Variants in IRGM observed in about 807,000 individuals in gnomAD.
IRGM encodes the protein immunity related GTPase M.
For missense variants in IRGM, 288 were observed against 219.9 expected, an observed-to-expected ratio of 1.31 and a Z score of -1.96; for synonymous variants, 98 against 80.6, an observed-to-expected ratio of 1.22 and a Z score of -1.16.
chr5:150,896,504 C>CTGAT lies in IRGM; in HGVS notation c.*141-4083_*141-4080dup, dbSNP rs766152563. On this transcript the variant is annotated intron_variant and NMD_transcript_variant, in intron 3 of 3. Coordinates refer to the IRGM transcript ENST00000520549. ...GTGTATTTCTAAAAACGTTTCCACA[C>CTGAT]TGATTATCATCAAAAGGTATTACTC... 8.7e-6 allele frequency: 14 copies of CTGAT among 1,613,528 alleles called. No homozygotes were observed. The East Asian group carries it at 2.9e-4, about 33-fold the overall frequency.
intron 1 of IRGM, among the ~76,000 whole-genome samples, chr5:150,858,474 T>G (rs1754089589): frequency 1.3e-5 from 2 of 152,228 alleles, no homozygotes; most frequent in Non-Finnish European, 2.9e-5. Flanking sequence ...AAGTCATTGG[T>G]AGCTTGATGG....
chr5:150,891,979 AC>A (rs1415837729), intron 3 of IRGM, among the ~76,000 whole-genome samples: 2 of 152,104 alleles, frequency 1.3e-5, no homozygotes, highest in African/African-American at 2.4e-5. Flanking sequence ...TTCCAATCCT[AC>A]AGGGTCAAAG....
intron 1 of IRGM, among the ~76,000 whole-genome samples, chr5:150,855,141 C>G (rs1432858471): frequency 7.2e-5 from 11 of 152,178 alleles, no homozygotes; most frequent in Non-Finnish European, 1.6e-4. Flanking sequence ...GACTCATAGC[C>G]TGGCTGCTAG....
chr5:150,894,941 T>G (rs1233346014), intron 3 of IRGM: 1 of 152,720 alleles, frequency 6.5e-6, no homozygotes, highest in East Asian at 1.9e-4. Context: ...GATCAACCTA[T>G]CATTCCATTT....
intron 1 of IRGM, among the ~76,000 whole-genome samples, chr5:150,854,361 T>G (rs1020402205): frequency 4.6e-5 from 7 of 152,112 alleles, no homozygotes; most frequent in Non-Finnish European, 1.0e-4. Flanking sequence ...TATATAAAAC[T>G]ATTAGTTTTT....
intron 1 of IRGM, among the ~76,000 whole-genome samples, chr5:150,874,097 T>C (rs1754329041): frequency 6.6e-6 from 1 of 152,362 alleles, no homozygotes; most frequent in East Asian, 1.9e-4. Context: ...TATGCAGCCA[T>C]TGATTTGGCA....
At chr5:150,896,684 A>G (rs1754797431) in intron 3 of IRGM, 34 of 1,613,462 alleles carry the variant, frequency 2.1e-5, no homozygotes, top group African/African-American at 2.7e-5. Flanking sequence ...CATCATATTT[A>G]TGGAATCTCT....
chr5:150,856,917 ATTAT>A (rs1393802023), intron 1 of IRGM, among the ~76,000 whole-genome samples: 23 of 135,854 alleles, frequency 1.7e-4, no homozygotes, highest in Admixed American at 5.7e-4. Flanking sequence ...ATAAATATTT[ATTAT>A]TTATTATTTA....
rs149586860 is a variant in IRGM, at chr5:150,862,565, A to G, written c.158+13911A>G. On this transcript the variant is annotated intron_variant and NMD_transcript_variant, in intron 1 of 3. Coordinates refer to the IRGM transcript ENST00000520549. ...TATGTGCTGCTTTTAAGAAGATTTA[A>G]GAATTGCCATCTGATCTGCCACCTT... Among the ~76,000 whole-genome samples the G allele has an allele frequency of 2.0e-5, 3 of 152,322 alleles. No homozygotes were observed. The East Asian group carries it at 5.8e-4, about 29-fold the overall frequency.
At chr5:150,887,900 C>CA (rs770483188) in intron 3 of IRGM, among the ~76,000 whole-genome samples, 7 of 151,890 alleles carry the variant, frequency 4.6e-5, no homozygotes, top group Non-Finnish European at 8.8e-5. Context: ...CCAACCACAC[C>CA]AACAAGCCAG....
chr5:150,884,201 A>G (rs938745184), intron 3 of IRGM, among the ~76,000 whole-genome samples: 1 of 152,034 alleles, frequency 6.6e-6, no homozygotes, highest in Non-Finnish European at 1.5e-5. Context: ...AATATTTTTC[A>G]TAAGGAAAAA....
intron 3 of IRGM, among the ~76,000 whole-genome samples, chr5:150,891,308 C>T (rs947216541): frequency 6.6e-6 from 1 of 151,948 alleles, no homozygotes; most frequent in Admixed American, 6.6e-5. Flanking sequence ...TACTTTGAAT[C>T]CATTTATGTC....
At chr5:150,884,120 C>T (rs965142566) in intron 3 of IRGM, among the ~76,000 whole-genome samples, 5 of 151,770 alleles carry the variant, frequency 3.3e-5, no homozygotes, top group South Asian at 2.1e-4. Flanking sequence ...TGATATATCA[C>T]ATTAACGGAA....
rs74864431 is a variant in IRGM at position 150,897,637 on chromosome 5, T to C, written c.*141-2952T>C. ...CTCCTCCTTCAGCCTCATCAGCATT[T>C]ATGTCATTCAGAGCAGTTACAGTTG... On this transcript the variant is annotated intron_variant and NMD_transcript_variant, in intron 3 of 3. Transcript: ENST00000520549. 1.8e-3 allele frequency: 314 copies of C among 170,126 alleles called. 3 individuals carry two copies. The highest frequency in any genetic ancestry group is 7.1e-3 in the African/African-American group (298 of 42,108). 10.5% of individuals were successfully genotyped at this position (170,126 alleles called of 1,614,324 possible).
downstream of IRGM, among the ~76,000 whole-genome samples, chr5:150,902,138 C>T (rs191424888): frequency 2.0e-5 from 3 of 152,114 alleles, no homozygotes; most frequent in East Asian, 5.8e-4. Flanking sequence ...AAATTTTTAT[C>T]TTTTATATAA....
At chr5:150,856,515 CTATTTA>C (rs2113257529) in intron 1 of IRGM, among the ~76,000 whole-genome samples, 1 of 152,126 alleles carries the variant, frequency 6.6e-6, no homozygotes, top group African/African-American at 2.4e-5. Context: ...TTTAAACATT[CTATTTA>C]TATTTGTGTA....
At chr5:150,898,418 C>T (rs1754874163) in intron 3 of IRGM, 2 of 1,613,376 alleles carry the variant, frequency 1.2e-6, no homozygotes, top group Non-Finnish European at 8.5e-7. Flanking sequence ...TTCAGGGAAG[C>T]CATCCTTACC....
Position 150,848,182 on chromosome 5 carries a change from C to CT in IRGM, c.60dup (p.Asn21Ter). On this transcript the variant is annotated frameshift_variant, in exon 2 of 2. Coordinates refer to ENST00000522154, the MANE Select transcript of IRGM (RefSeq NM_001145805.2). LOFTEE classifies it low-confidence loss of function (END_TRUNC). ...GATGGGAACTTGCCAGAGGTGATCT[C>CT]TAACATCAAGGAGACTCTGAAGATA... is the stretch of plus-strand genomic sequence containing the variant. The CT allele has an allele frequency of 6.4e-7, 1 of 1,551,692 alleles. No homozygotes were observed. Among genetic ancestry groups the CT allele is most frequent in the East Asian group, 2.4e-5 (1 of 41,048 alleles).
rs186862932 is a variant in IRGM at position 150,868,296 on chromosome 5, A to G, written c.159-9684A>G. Among the ~76,000 whole-genome samples, 30 of 152,030 alleles carry G rather than the reference A, an allele frequency of 2.0e-4. 1 individual carries two copies. The highest frequency in any genetic ancestry group is 5.9e-4 in the Admixed American group (9 of 15,280). On this transcript the variant is annotated intron_variant and NMD_transcript_variant, in intron 1 of 3. Coordinates refer to the IRGM transcript ENST00000520549. Reference sequence around the variant, plus strand: ...CAGTTTGCTGTAAGTATTTGGGTTTATTTCTGGGTTCTCTATTCTATTTCA... The same window carrying G: ...CAGTTTGCTGTAAGTATTTGGGTTTGTTTCTGGGTTCTCTATTCTATTTCA...
Sources: allele counts gnomAD v4.1 joint callset (sites outside exome capture counted in the v4.1 genomes callset), GRCh38; gene constraint gnomAD v4.1.1; transcripts MANE v1.5; gene names NCBI Gene and HGNC (gene_info 2026-07-23, HGNC 2026-07-21).